Variants in EGFR observed in about 807,000 individuals in gnomAD.
EGFR encodes epidermal growth factor receptor.
EGFR carries 58 observed loss-of-function variants against 143.0 expected under a neutral mutation model. That is an observed-to-expected ratio of 0.41 (90% CI 0.33 to 0.50). The LOEUF is 0.50. Among genes scored for constraint, EGFR ranks in the 20% least tolerant of loss-of-function variants. The pLI is 0.39. For missense variants in EGFR, 1,307 were observed against 1,579.0 expected (o/e 0.83, Z 2.92); for synonymous variants, 613 against 594.4 (o/e 1.03, Z -0.45).
intron 5 of EGFR, 66 bp from the exon 6 acceptor site, chr7:55,152,480 C>T (rs1170432202): frequency 3.4e-5 from 48 of 1,428,482 alleles, no homozygotes; most frequent in East Asian, 2.0e-4. Flanking sequence ...AAGTGCTCTG[C>T]GACATCCCTG....
chr7:55,127,769 C>G (rs1793614598), intron 1 of EGFR, among the ~76,000 whole-genome samples: 1 of 152,188 alleles, frequency 6.6e-6, no homozygotes, highest in East Asian at 1.9e-4. Context: ...TTTCCCTTCT[C>G]TGGTTACTGG....
intron 1 of EGFR, among the ~76,000 whole-genome samples, chr7:55,037,329 C>T (rs1787643578): frequency 6.6e-6 from 1 of 152,178 alleles, no homozygotes; most frequent in Non-Finnish European, 1.5e-5. Flanking sequence ...CCTAAGGAGC[C>T]TGTAATCCAG....
chr7:55,035,510 T>TAA (rs35679531), intron 1 of EGFR, among the ~76,000 whole-genome samples: 3,060 of 139,886 alleles, frequency 0.022, 126 homozygotes, highest in African/African-American at 0.075. Context: ...CCGTCTTCAC[T>TAA]AAAAAAAAAA....
rs17288994 is a variant in EGFR, at chr7:55,032,212, G to A, written c.88+12847G>A. Among the ~76,000 whole-genome samples, 986 of 152,316 alleles carry A rather than the reference G, an allele frequency of 6.5e-3. 14 individuals are homozygous for A. The highest frequency in any genetic ancestry group is 0.022 in the African/African-American group (904 of 41,564). On this transcript the variant is annotated intron_variant, in intron 1 of 27. Transcript: ENST00000275493. ...TTTAAGAGAAGTCTCAAAAGTAACAGATGATAACTAATTAATACCCAGTGA... is the reference window on the plus strand; with the variant it reads ...TTTAAGAGAAGTCTCAAAAGTAACAAATGATAACTAATTAATACCCAGTGA...
intron 11 of EGFR, among the ~76,000 whole-genome samples, chr7:55,159,798 C>G (rs1470763266): frequency 1.3e-5 from 2 of 152,186 alleles, no homozygotes; most frequent in Non-Finnish European, 2.9e-5. Context: ...GAACCCACAC[C>G]TTTGAAGTGT....
At chr7:55,027,991 A>AAATAT (rs1554311534) in intron 1 of EGFR, among the ~76,000 whole-genome samples, 2,080 of 54,754 alleles carry the variant, frequency 0.038, 56 homozygotes, top group Non-Finnish European at 0.06. Flanking sequence ...AAAAAAAAAA[A>AAATAT]ATATATATAT....
intron 2 of EGFR, among the ~76,000 whole-genome samples, 188 bp downstream of exon 2, chr7:55,142,625 A>G (rs932024634): frequency 2.6e-5 from 4 of 152,250 alleles, no homozygotes; most frequent in Non-Finnish European, 5.9e-5. Flanking sequence ...CTAGAAAAGG[A>G]TATCAAATAG....
intron 1 of EGFR, among the ~76,000 whole-genome samples, chr7:55,037,784 T>TAG (rs1787678760): frequency 6.6e-6 from 1 of 152,264 alleles, no homozygotes; most frequent in African/African-American, 2.4e-5. Context: ...AACTCAGATT[T>TAG]ACTTTCTCCC....
At chr7:55,156,096 C>T in intron 8 of EGFR, 150 bp downstream of exon 8, 1 of 722,854 alleles carries the variant, frequency 1.4e-6, no homozygotes, top group South Asian at 1.6e-5. Context: ...AGCTGTAAAG[C>T]TAGGTTAGGC....
At chr7:55,134,932 A>G (rs896423213) in intron 1 of EGFR, among the ~76,000 whole-genome samples, 6 of 152,162 alleles carry the variant, frequency 3.9e-5, no homozygotes, top group Non-Finnish European at 2.9e-5. Flanking sequence ...ATCAGAGTAC[A>G]CTGAGCACTG....
chr7:55,136,686 T>C (rs2128923233), intron 1 of EGFR, among the ~76,000 whole-genome samples: 1 of 152,364 alleles, frequency 6.6e-6, no homozygotes, highest in East Asian at 1.9e-4. Context: ...ACCATACTTC[T>C]AATGTTGAAT....
At chr7:55,140,052 G>A (rs1171891373) in intron 1 of EGFR, among the ~76,000 whole-genome samples, 4 of 151,332 alleles carry the variant, frequency 2.6e-5, no homozygotes, top group African/African-American at 9.7e-5. Context: ...GGGGCTTTTG[G>A]GGGGTCATTT....
chr7:55,204,886 A>G (rs1240303675), intron 27 of EGFR, among the ~76,000 whole-genome samples: 5 of 149,012 alleles, frequency 3.4e-5, no homozygotes, highest in East Asian at 2.0e-4. Context: ...AATATACACC[A>G]CACACACATA....
intron 1 of EGFR, among the ~76,000 whole-genome samples, chr7:55,101,178 G>A (rs543106835): frequency 1.7e-4 from 26 of 152,304 alleles, no homozygotes; most frequent in African/African-American, 5.8e-4. Context: ...CTGGAAACTC[G>A]AGGAAGCCTG....
chr7:55,202,435 A>G, intron 26 of EGFR, 82 bp from the exon 27 acceptor site: 1 of 1,185,484 alleles, frequency 8.4e-7, no homozygotes, highest in Non-Finnish European at 1.2e-6. Context: ...CCAGCATCTC[A>G]AGGAGATCTC....
intron 1 of EGFR, among the ~76,000 whole-genome samples, chr7:55,046,662 C>T (rs1443622118): frequency 6.6e-6 from 1 of 151,832 alleles, no homozygotes; most frequent in Non-Finnish European, 1.5e-5. Flanking sequence ...GCTTCTCGTA[C>T]ACATTTCATA....
intron 1 of EGFR, among the ~76,000 whole-genome samples, chr7:55,033,885 A>T (rs150535516): frequency 1.2e-3 from 184 of 151,868 alleles, no homozygotes; most frequent in African/African-American, 4.3e-3. Context: ...AGTTTTGATA[A>T]CCCTCTTCAT....
chr7:55,100,343 G>A lies in EGFR; in HGVS notation c.89-41943G>A, dbSNP rs1446870319. Reference sequence around the variant, plus strand: ...TCATCAGATTGCTCCAATCACAGCTGTGGCTTGCACACAACCGCCATCTCT... The same window carrying A: ...TCATCAGATTGCTCCAATCACAGCTATGGCTTGCACACAACCGCCATCTCT... On this transcript the variant is annotated intron_variant, in intron 1 of 27. Coordinates refer to ENST00000275493, the MANE Select transcript of EGFR (RefSeq NM_005228.5). Among the ~76,000 whole-genome samples, 7 of 152,332 alleles carry A rather than the reference G, an allele frequency of 4.6e-5. No homozygotes were observed. The South Asian group carries it at 1.4e-3, about 32-fold the overall frequency.
At chr7:55,150,857 T>C (rs1785115188) in intron 4 of EGFR, among the ~76,000 whole-genome samples, 1 of 152,168 alleles carries the variant, frequency 6.6e-6, no homozygotes, top group African/African-American at 2.4e-5. Context: ...GGCTATGACT[T>C]AACAATCCCA....
Sources: gnomAD v4.1 joint callset for allele counts (sites outside exome capture counted in the v4.1 genomes callset) on GRCh38, gnomAD v4.1.1 for gene constraint, MANE v1.5 for transcripts, NCBI Gene and HGNC (gene_info 2026-07-23, HGNC 2026-07-21) for gene names.